AGTPBP1: variants seen among roughly 807,000 people sequenced by gnomAD.
AGTPBP1 encodes the protein ATP/GTP binding carboxypeptidase 1, also known as cytosolic carboxypeptidase 1.
A neutral mutation model predicts 143.9 loss-of-function variants in AGTPBP1; 70 were observed. The ratio of observed to expected loss-of-function variants is 0.49; its 90% CI spans 0.40 to 0.59. The LOEUF is 0.59. AGTPBP1 is among the 20% of genes least tolerant of loss of function. The pLI is 0.00. For missense variants in AGTPBP1, 1,229 were observed against 1,464.5 expected (o/e 0.84, Z 2.62); for synonymous variants, 463 against 500.2 (o/e 0.93, Z 0.99).
At chr9:85,559,126 A>G (rs1250782347) in intron 25 of AGTPBP1, among the ~76,000 whole-genome samples, 1 of 152,230 alleles carries the variant, frequency 6.6e-6, no homozygotes, top group Middle Eastern at 3.2e-3. Context: ...CTAAGCACAA[A>G]AATACTACAT....
chr9:85,576,079 A>C (rs1252676236), intron 24 of AGTPBP1, among the ~76,000 whole-genome samples: 1 of 152,204 alleles, frequency 6.6e-6, no homozygotes, highest in East Asian at 1.9e-4. Context: ...AAGCAAAAAG[A>C]GTATTTTATC....
rs1357453368 is a variant in AGTPBP1 at position 85,632,814 on chromosome 9, T to C, written c.1863A>G (p.Gly621=). The change falls in exon 14 of 26, where the codon GGA becomes GGG. Residue 621 remains glycine (G), a synonymous_variant. Transcript: ENST00000357081. ...VEQASVEVPD[G]PTLHDPDLYI... ...AGAGGTCTGGGTCATGGAGTGTTGG[T>C]CCATCAGGTACTTCAACCGATGCTT... The C allele has an allele frequency of 1.9e-6, 3 of 1,614,038 alleles. No individual in the cohort carries two copies. The highest frequency in any genetic ancestry group is 2.5e-6 in the Non-Finnish European group (3 of 1,180,024).
rs536543409 is a variant in AGTPBP1 at position 85,612,367 on chromosome 9, AC to A, written c.2335+6615del. The stretch of plus-strand genomic sequence containing the variant: ...AAGCCTCCATAAAAATCTCCAAAAC[AC>A]GGGATTCAGAGAGCTTCCAAGTGAT... On this transcript the variant is annotated intron_variant, in intron 17 of 25. Coordinates refer to ENST00000357081, the MANE Select transcript of AGTPBP1 (RefSeq NM_001330701.2). Among the ~76,000 whole-genome samples the A allele has an allele frequency of 4.0e-4, 61 of 152,196 alleles. No homozygotes were observed. The South Asian group carries it at 0.012, about 30-fold the overall frequency.
the AGTPBP1 span, among the ~76,000 whole-genome samples, chr9:85,805,201 A>ACCAGCG: frequency 1.8e-4 from 27 of 152,104 alleles, no homozygotes; most frequent in Admixed American, 1.5e-3. Flanking sequence ...CGAACCTCTA[A>ACCAGCG]CCAGCGCCAG....
chr9:85,552,071 T>G (rs752911783), intron 25 of AGTPBP1, among the ~76,000 whole-genome samples: 1 of 152,188 alleles, frequency 6.6e-6, no homozygotes, highest in Non-Finnish European at 1.5e-5. Flanking sequence ...CTACTCTGAA[T>G]AGACTAAGCC....
the AGTPBP1 span, among the ~76,000 whole-genome samples, chr9:85,784,615 C>T: frequency 2.6e-5 from 4 of 152,200 alleles, no homozygotes; most frequent in African/African-American, 7.2e-5. Context: ...CTCTGATGTA[C>T]TGCAGAGTTT....
At chr9:85,597,529 T>C (rs1411487048) in intron 17 of AGTPBP1, among the ~76,000 whole-genome samples, 4 of 152,126 alleles carry the variant, frequency 2.6e-5, no homozygotes, top group African/African-American at 7.2e-5. Flanking sequence ...GCAAATCAAC[T>C]TTGTTATGTT....
chr9:85,655,308 C>T lies in AGTPBP1; in HGVS notation c.922G>A (p.Val308Ile). ...LYNTSQECLA[V>I]RTLDPLVNTS... is the part of the protein sequence containing the mutation. ...TTGACAAGAGGATCCAGAGTCCTGA[C>T]TGCCAGACATTCCTGTTTTTTAAAA... Residue 308 changes from valine to isoleucine, a missense_variant, in exon 11 of 26, where the codon GTC (valine) becomes ATC (isoleucine). Physicochemically the swap from Val to Ile is conservative, Grantham distance 29. Coordinates refer to ENST00000357081, the MANE Select transcript of AGTPBP1 (RefSeq NM_001330701.2). 1.3e-6 allele frequency: 2 copies of T among 1,522,426 alleles called. No homozygotes were observed. The highest frequency in any genetic ancestry group is 2.6e-5 in the South Asian group (2 of 78,240). 94.3% of individuals were successfully genotyped at this position (1,522,426 alleles called of 1,614,324 possible). A position where few individuals can be genotyped will look rare whatever the true frequency, so the allele number is the denominator to read the frequency against.
chr9:85,752,875 T>C, the AGTPBP1 span, among the ~76,000 whole-genome samples: 1 of 152,118 alleles, frequency 6.6e-6, no homozygotes, highest in Non-Finnish European at 1.5e-5. Flanking sequence ...ATTAGCTGGA[T>C]GTGGTGGTAC....
intron 17 of AGTPBP1, among the ~76,000 whole-genome samples, chr9:85,600,723 C>T (rs1467085923): frequency 2.0e-5 from 3 of 152,096 alleles, no homozygotes; most frequent in Non-Finnish European, 4.4e-5. Flanking sequence ...AGGTATTGCT[C>T]CAGAGAGTGA....
At chr9:85,604,144 T>C (rs563821778) in intron 17 of AGTPBP1, among the ~76,000 whole-genome samples, 1 of 152,050 alleles carries the variant, frequency 6.6e-6, no homozygotes, top group Admixed American at 6.5e-5. Flanking sequence ...TAGGCAGTGG[T>C]TGCCATGGGC....
At chr9:85,792,677 A>G in the AGTPBP1 span, among the ~76,000 whole-genome samples, 1 of 152,238 alleles carries the variant, frequency 6.6e-6, no homozygotes, top group Admixed American at 6.5e-5. Flanking sequence ...ATATTTTTCA[A>G]ATGAAACACA....
chr9:85,635,791 C>T (rs1054289944), intron 13 of AGTPBP1, among the ~76,000 whole-genome samples: 2 of 151,024 alleles, frequency 1.3e-5, no homozygotes, highest in African/African-American at 4.9e-5. Context: ...AGTACTACAT[C>T]TTCAGTATAT....
chr9:85,582,826 C>T (rs1311736937), intron 23 of AGTPBP1, among the ~76,000 whole-genome samples: 2 of 151,924 alleles, frequency 1.3e-5, no homozygotes, highest in Non-Finnish European at 2.9e-5. Flanking sequence ...TTTTCCCAAG[C>T]CATCTGCAAA....
chr9:85,799,524 T>C, the AGTPBP1 span, among the ~76,000 whole-genome samples: 1 of 152,094 alleles, frequency 6.6e-6, no homozygotes. Flanking sequence ...TTGTTAAATT[T>C]GTATTATTTT....
At chr9:85,636,007 A>T (rs1832017733) in intron 13 of AGTPBP1, among the ~76,000 whole-genome samples, 1 of 152,142 alleles carries the variant, frequency 6.6e-6, no homozygotes, top group African/African-American at 2.4e-5. Context: ...TGAGGATTCA[A>T]TCTATAATGG....
Position 85,626,185 on chromosome 9 carries a change from T to G in AGTPBP1, c.2016-4900A>C, listed in dbSNP as rs577300174. Among the ~76,000 whole-genome samples the G allele has an allele frequency of 9.8e-5, 15 of 152,314 alleles. No homozygotes were observed. The South Asian group carries it at 3.1e-3, about 32-fold the overall frequency. ...CAATTTTTTAAATGTTAGTGTGCTA[T>G]CTACATTGAGATACGAATCTTACTT... On this transcript the variant is annotated intron_variant, in intron 14 of 25. Coordinates refer to ENST00000357081, the MANE Select transcript of AGTPBP1 (RefSeq NM_001330701.2).
intron 1 of AGTPBP1, among the ~76,000 whole-genome samples, chr9:85,734,214 C>T (rs1588003283): frequency 6.6e-6 from 1 of 152,100 alleles, no homozygotes; most frequent in African/African-American, 2.4e-5. Flanking sequence ...GATGGCACCA[C>T]TGCACTCCAG....
chr9:85,735,475 A>G (rs927560068), intron 1 of AGTPBP1, among the ~76,000 whole-genome samples: 2 of 152,204 alleles, frequency 1.3e-5, no homozygotes, highest in African/African-American at 4.8e-5. Flanking sequence ...GCCGCACAAC[A>G]ATGTGAATAT....
Sources: allele counts gnomAD v4.1 joint callset (sites outside exome capture counted in the v4.1 genomes callset), GRCh38; gene constraint gnomAD v4.1.1; transcripts MANE v1.5; gene names NCBI Gene and HGNC (gene_info 2026-07-23, HGNC 2026-07-21).